Variants in PPA2 observed in about 807,000 individuals in gnomAD.
The protein encoded by PPA2 is inorganic pyrophosphatase 2, mitochondrial.
A neutral mutation model predicts 49.5 loss-of-function variants in PPA2; 48 were observed. That is an observed-to-expected ratio of 0.97 (90% CI 0.77 to 1.23). The LOEUF (loss-of-function observed/expected upper bound fraction) is 1.23. Ranked by LOEUF, PPA2 falls within the 50% of genes most tolerant of loss-of-function variation. PPA2 has a pLI of 0.00. For missense variants in PPA2, 429 were observed against 410.1 expected, an observed-to-expected ratio of 1.05 and a Z score of -0.40; for synonymous variants, 131 against 139.9, an observed-to-expected ratio of 0.94 and a Z score of 0.45.
intron 2 of PPA2, among the ~76,000 whole-genome samples, chr4:105,455,792 G>GT (rs1423960857): frequency 6.6e-6 from 1 of 152,126 alleles, no homozygotes; most frequent in African/African-American, 2.4e-5. Flanking sequence ...AGCCTCCTCA[G>GT]TTCTTCAGTG....
chr4:105,402,992 T>A (rs964255182), intron 7 of PPA2, among the ~76,000 whole-genome samples: 12 of 151,646 alleles, frequency 7.9e-5, no homozygotes, highest in Admixed American at 7.9e-4. Flanking sequence ...TCTTTTTCTT[T>A]CCTCTTTTTC....
chr4:105,464,044 G>A (rs1404447028), intron 1 of PPA2, among the ~76,000 whole-genome samples: 7 of 152,240 alleles, frequency 4.6e-5, no homozygotes, highest in African/African-American at 1.7e-4. Flanking sequence ...CCCCAAAATG[G>A]TAGATCCACC....
intron 10 of PPA2, among the ~76,000 whole-genome samples, chr4:105,383,855 A>G (rs1229996635): frequency 5.3e-5 from 8 of 151,866 alleles, no homozygotes; most frequent in African/African-American, 1.7e-4. Flanking sequence ...CTGATCAAGT[A>G]TGATGAATGA....
intron 7 of PPA2, chr4:105,404,977 G>A (rs1722393925): frequency 6.4e-6 from 1 of 156,728 alleles, no homozygotes; most frequent in Admixed American, 6.5e-5. Context: ...CAGCTACTCG[G>A]GAGGCTGAGG....
intron 10 of PPA2, among the ~76,000 whole-genome samples, chr4:105,374,074 G>A (rs1478890595): frequency 6.6e-6 from 1 of 151,808 alleles, no homozygotes; most frequent in Non-Finnish European, 1.5e-5. Context: ...CACTCTCAGG[G>A]GATACTATGA....
Position 105,456,312 on chromosome 4 carries a change from C to A in PPA2, c.222+369G>T, listed in dbSNP as rs780342152. 2.2e-4 allele frequency: 101 copies of A among 453,488 alleles called. No individual in the cohort carries two copies. Among genetic ancestry groups the A allele is most frequent in the Non-Finnish European group, 3.8e-4 (87 of 227,130 alleles). 28.1% of individuals were successfully genotyped at this position (453,488 alleles called of 1,614,324 possible). ...GTGTCCTTGGAAAGAAAAATAGCAA[C>A]TCATAACAATTAAATAACATCATGT... On this transcript the variant is annotated intron_variant, in intron 2 of 11. Transcript: ENST00000341695.
chr4:105,403,012 TTCTCTC>T (rs140739063), intron 7 of PPA2, among the ~76,000 whole-genome samples: 5 of 149,718 alleles, frequency 3.3e-5, no homozygotes, highest in African/African-American at 9.8e-5. Flanking sequence ...CTTTCTTTCT[TTCTCTC>T]TCTCTCTCTC....
intron 7 of PPA2, among the ~76,000 whole-genome samples, chr4:105,409,804 C>T (rs1051400680): frequency 7.2e-5 from 11 of 152,208 alleles, no homozygotes; most frequent in Admixed American, 2.0e-4. Flanking sequence ...CAAATTCCAA[C>T]AAACATGCAG....
chr4:105,449,993 T>G (rs193172054), intron 3 of PPA2, among the ~76,000 whole-genome samples: 1 of 152,236 alleles, frequency 6.6e-6, no homozygotes, highest in African/African-American at 2.4e-5. Context: ...AGCTTGCATA[T>G]CTGGTGAGTT....
chr4:105,386,835 C>T (rs1267164526), intron 9 of PPA2, among the ~76,000 whole-genome samples, 199 bp from the exon 10 acceptor site: 2 of 152,154 alleles, frequency 1.3e-5, no homozygotes, highest in Non-Finnish European at 2.9e-5. Flanking sequence ...GAGTAGTCCA[C>T]AGCAAAGCAC....
chr4:105,385,161 A>C (rs1733630156), intron 10 of PPA2, among the ~76,000 whole-genome samples: 1 of 152,076 alleles, frequency 6.6e-6, no homozygotes, highest in Non-Finnish European at 1.5e-5. Context: ...CTTTTTAATA[A>C]CTACAACTCC....
At chr4:105,371,652 T>C (rs1733031879) in intron 10 of PPA2, among the ~76,000 whole-genome samples, 1 of 152,182 alleles carries the variant, frequency 6.6e-6, no homozygotes, top group Admixed American at 6.5e-5. Flanking sequence ...TGACCTTCAA[T>C]AGATAGGAAA....
At position 105,447,640 on chromosome 4, in the gene PPA2, T is replaced by C. The variant is rs532692542; in HGVS notation, c.322-1138A>G. Reference sequence around the variant, plus strand: ...TGTCACTTTGTACCCTATAAATATATACGATTATAACTTGTCAATATACAA... The same window carrying C: ...TGTCACTTTGTACCCTATAAATATACACGATTATAACTTGTCAATATACAA... On this transcript the variant is annotated intron_variant, in intron 4 of 11. Coordinates refer to ENST00000341695, the MANE Select transcript of PPA2 (RefSeq NM_176869.3). Among the ~76,000 whole-genome samples, 64 of 152,206 alleles carry C rather than the reference T, an allele frequency of 4.2e-4. 1 individual carries two copies. In the South Asian group the frequency reaches 0.012, roughly 30 times the overall value.
intron 7 of PPA2, chr4:105,399,621 G>C (rs17323257): frequency 0.015 from 2,338 of 152,962 alleles, 26 homozygotes; most frequent in Non-Finnish European, 0.02. Flanking sequence ...GGACAAGAGG[G>C]GAAAAGGTAG....
At chr4:105,461,606 G>C (rs1351607758) in intron 1 of PPA2, among the ~76,000 whole-genome samples, 3 of 152,166 alleles carry the variant, frequency 2.0e-5, no homozygotes, top group Admixed American at 2.0e-4. Flanking sequence ...TCGTGGCCAA[G>C]AACTCAGTTT....
chr4:105,415,983 CCTT>C (rs1488010284), intron 7 of PPA2, among the ~76,000 whole-genome samples: 1 of 152,132 alleles, frequency 6.6e-6, no homozygotes, highest in Non-Finnish European at 1.5e-5. Flanking sequence ...CATCTTAAGA[CCTT>C]CTTCTAACTG....
chr4:105,387,608 A>G (rs760194209), intron 9 of PPA2, among the ~76,000 whole-genome samples: 9 of 152,216 alleles, frequency 5.9e-5, no homozygotes, highest in Non-Finnish European at 1.3e-4. Flanking sequence ...GTTTCTATCC[A>G]GACTCATAAT....
At chr4:105,403,654 C>A (rs917204542) in intron 7 of PPA2, among the ~76,000 whole-genome samples, 13 of 152,098 alleles carry the variant, frequency 8.5e-5, no homozygotes, top group Non-Finnish European at 1.6e-4. Context: ...GCTCTCACTT[C>A]AATTTAGTTT....
intron 10 of PPA2, among the ~76,000 whole-genome samples, chr4:105,385,872 A>C (rs1348844774): frequency 1.4e-5 from 2 of 141,930 alleles, no homozygotes; most frequent in Non-Finnish European, 3.1e-5. Flanking sequence ...ATTTTATTTT[A>C]TTTTCAATTT....
Sources: gnomAD v4.1 joint callset for allele counts (sites outside exome capture counted in the v4.1 genomes callset) on GRCh38, gnomAD v4.1.1 for gene constraint, MANE v1.5 for transcripts, NCBI Gene and HGNC (gene_info 2026-07-23, HGNC 2026-07-21) for gene names.